The following EPSTI1 variants were observed in gnomAD, a reference collection of about 807,000 sequenced individuals.
EPSTI1 encodes epithelial-stromal interaction protein 1.
In EPSTI1, 66 loss-of-function variants were observed where a neutral mutation model predicts 49.9. The ratio of observed to expected loss-of-function variants is 1.32; its 90% CI spans 1.08 to 1.62. The LOEUF (loss-of-function observed/expected upper bound fraction) is 1.62, where lower values mean the gene tolerates loss of function less well. Among genes scored for constraint, EPSTI1 ranks in the 40% most tolerant of loss-of-function variants. The pLI, the probability that EPSTI1 is intolerant of heterozygous loss-of-function variation, is 0.00. For synonymous variants in EPSTI1, 137 were observed against 130.7 expected, an observed-to-expected ratio of 1.05 and a Z score of -0.33; for missense variants, 394 against 365.5, an observed-to-expected ratio of 1.08 and a Z score of -0.64.
intron 9 of EPSTI1, among the ~76,000 whole-genome samples, chr13:42,896,230 T>C (rs545567859): frequency 5.9e-5 from 9 of 152,262 alleles, no homozygotes; most frequent in Non-Finnish European, 1.0e-4. Context: ...TACCATAAAA[T>C]CTACCCAAGT....
chr13:42,971,611 AGG>A (rs201175638), intron 1 of EPSTI1, among the ~76,000 whole-genome samples: 1 of 92,434 alleles, frequency 1.1e-5, no homozygotes, highest in African/African-American at 3.6e-5. Flanking sequence ...AGGATTTAAG[AGG>A]GAGGGAAAAA....
intron 8 of EPSTI1, among the ~76,000 whole-genome samples, chr13:42,908,484 G>GAAAAAAAAAAAAAAAAAAAAA (rs140923122): frequency 8.8e-6 from 1 of 113,352 alleles, no homozygotes; most frequent in African/African-American, 3.6e-5. Flanking sequence ...ACTCTGTTAT[G>GAAAAAAAAAAAAAAAAAAAAA]AAAAAAAAAA....
At chr13:42,927,810 C>G (rs746085649) in intron 6 of EPSTI1, among the ~76,000 whole-genome samples, 2 of 152,170 alleles carry the variant, frequency 1.3e-5, no homozygotes, top group Non-Finnish European at 2.9e-5. Flanking sequence ...AATGAAGTCA[C>G]AGAGTGTGGA....
intron 7 of EPSTI1, 36 bp from the exon 8 acceptor site, chr13:42,917,660 C>CA: frequency 1.8e-6 from 1 of 563,382 alleles, no homozygotes; most frequent in Non-Finnish European, 2.7e-6. Flanking sequence ...AAAAAAAAAA[C>CA]AACTTGATAG....
In EPSTI1 at chr13:42,992,187, G is replaced by A. The variant is rs754399846; in HGVS notation, c.-22C>T. The A allele has an allele frequency of 3.9e-6, 6 of 1,522,136 alleles. No homozygotes were observed. In the Admixed American group the frequency reaches 6.7e-5, roughly 17 times the overall value. The allele number at this position is 1,522,136 out of a possible 1,614,324, so 94.3% of individuals were successfully genotyped here. Reference sequence around the variant, plus strand: ...TCATGGTTCACAGCCCGCGGGTCCCGGGCCGCCGTCGCTGCGGGAGGGATG... The same window carrying A: ...TCATGGTTCACAGCCCGCGGGTCCCAGGCCGCCGTCGCTGCGGGAGGGATG... On this transcript the variant is annotated 5_prime_UTR_variant, in exon 1 of 11. Coordinates refer to ENST00000313624, the MANE Select transcript of EPSTI1 (RefSeq NM_033255.5).
chr13:42,942,605 G>C (rs2038788389), intron 6 of EPSTI1, among the ~76,000 whole-genome samples: 1 of 145,142 alleles, frequency 6.9e-6, no homozygotes, highest in Admixed American at 6.9e-5. Context: ...TCTCTTCCTT[G>C]TGCCTCTTCT....
chr13:42,934,488 T>C (rs527404652), intron 6 of EPSTI1: 4 of 152,706 alleles, frequency 2.6e-5, no homozygotes, highest in Admixed American at 2.6e-4. Context: ...ACTGCGTTTC[T>C]GGTCGATTTG....
chr13:42,952,320 G>GT (rs1332972437), intron 6 of EPSTI1, among the ~76,000 whole-genome samples: 2 of 152,170 alleles, frequency 1.3e-5, no homozygotes, highest in Non-Finnish European at 2.9e-5. Context: ...TTTAAGAGCT[G>GT]TAACACTCAC....
chr13:42,983,123 G>GT (rs1295856491), intron 1 of EPSTI1, among the ~76,000 whole-genome samples: 2 of 152,048 alleles, frequency 1.3e-5, no homozygotes, highest in African/African-American at 4.8e-5. Flanking sequence ...TTGTTAATCT[G>GT]TCTTTTTTTA....
chr13:42,963,543 T>G lies in EPSTI1; in HGVS notation c.406-205A>C, dbSNP rs2039520712. Reference sequence around the variant, plus strand: ...CCCGTGAAATTTCTGTCTTTGTGTTTCTTCCTTGGTCTGTCTCTTTTTCAA... The same window carrying G: ...CCCGTGAAATTTCTGTCTTTGTGTTGCTTCCTTGGTCTGTCTCTTTTTCAA... On this transcript the variant is annotated intron_variant, in intron 4 of 10. Coordinates refer to ENST00000313624, the MANE Select transcript of EPSTI1 (RefSeq NM_033255.5). 8.7e-6 allele frequency: 5 copies of G among 571,502 alleles called. No individual in the cohort carries two copies. The South Asian group carries it at 9.0e-5, about 10-fold the overall frequency. The allele number at this position is 571,502 out of a possible 1,614,324, so 35.4% of individuals were successfully genotyped here.
chr13:42,952,026 A>C (rs1025198494), intron 6 of EPSTI1, among the ~76,000 whole-genome samples: 1 of 152,188 alleles, frequency 6.6e-6, no homozygotes, highest in South Asian at 2.1e-4. Flanking sequence ...GAGGTTTGTA[A>C]AATGCACCAA....
Position 42,900,348 on chromosome 13 carries a change from C to T in EPSTI1, c.777G>A (p.Glu259=), listed in dbSNP as rs1297048997. ...ELLELKRQQQ[E]QERAKIHQTE... The stretch of plus-strand genomic sequence containing the variant: ...TCTGGTGGATTTTGGCTCTTTCTTG[C>T]TCTTGCTGCTGCCGTTTCAGTTCCA... The change falls in exon 9 of 11, where the codon GAG becomes GAA. Residue 259 remains glutamate (E), a synonymous_variant. Transcript: ENST00000313624. The T allele has an allele frequency of 9.3e-6, 15 of 1,613,586 alleles. No individual in the cohort carries two copies. The highest frequency in any genetic ancestry group is 1.3e-5 in the Non-Finnish European group (15 of 1,179,776).
intron 10 of EPSTI1, among the ~76,000 whole-genome samples, chr13:42,892,440 T>C (rs2153408293): frequency 6.6e-6 from 1 of 152,144 alleles, no homozygotes; most frequent in African/African-American, 2.4e-5. Flanking sequence ...TTGGATTGGA[T>C]GTATTGGGAA....
chr13:42,892,441 G>A (rs1456992768), intron 10 of EPSTI1, among the ~76,000 whole-genome samples: 1 of 152,208 alleles, frequency 6.6e-6, no homozygotes, highest in Non-Finnish European at 1.5e-5. Flanking sequence ...TGGATTGGAT[G>A]TATTGGGAAG....
chr13:42,921,437 G>A (rs2037989824), intron 7 of EPSTI1, among the ~76,000 whole-genome samples: 1 of 152,186 alleles, frequency 6.6e-6, no homozygotes, highest in East Asian at 1.9e-4. Flanking sequence ...AGACATGGAA[G>A]GACCTGAACA....
intron 6 of EPSTI1, 84 bp from the exon 7 acceptor site, chr13:42,926,513 C>T: frequency 1.3e-6 from 1 of 798,020 alleles, no homozygotes; most frequent in South Asian, 1.4e-5. Flanking sequence ...CTAACCTAGA[C>T]TTATTTGGGT....
chr13:42,928,116 C>G (rs370901389), intron 6 of EPSTI1, among the ~76,000 whole-genome samples: 1 of 152,082 alleles, frequency 6.6e-6, no homozygotes. Context: ...CCACTCATGC[C>G]GCAGGATATA....
chr13:42,961,490 G>C (rs1273719285), intron 5 of EPSTI1, among the ~76,000 whole-genome samples: 2 of 152,154 alleles, frequency 1.3e-5, no homozygotes, highest in Non-Finnish European at 2.9e-5. Context: ...TACAACTCAA[G>C]TATACCAGTG....
intron 3 of EPSTI1, among the ~76,000 whole-genome samples, chr13:42,967,357 G>A (rs183768233): frequency 1.3e-4 from 20 of 152,034 alleles, no homozygotes; most frequent in African/African-American, 4.6e-4. Flanking sequence ...GAGTCTGAGG[G>A]TCTTATTGGA....
Sources: gnomAD v4.1 joint callset for allele counts (sites outside exome capture counted in the v4.1 genomes callset) on GRCh38, gnomAD v4.1.1 for gene constraint, MANE v1.5 for transcripts, NCBI Gene and HGNC (gene_info 2026-07-23, HGNC 2026-07-21) for gene names.